The following CRHR1 variants were observed in gnomAD, a reference collection of about 807,000 sequenced individuals.
The protein encoded by CRHR1 is corticotropin-releasing hormone receptor 1.
CRHR1 carries 28 observed loss-of-function variants against 56.0 expected under a neutral mutation model. The observed-to-expected ratio is 0.50, with a 90% confidence interval of 0.37 to 0.69. The LOEUF (loss-of-function observed/expected upper bound fraction) is 0.69. Ranked by LOEUF, CRHR1 falls within the 30% of genes least tolerant of loss-of-function variation. The probability of loss-of-function intolerance (pLI) is 0.00; values close to 1 mark genes in which losing one functional copy is unlikely to be tolerated. For synonymous variants in CRHR1, 195 were observed against 216.5 expected, an observed-to-expected ratio of 0.90 and a Z score of 0.87; for missense variants, 376 against 548.0, an observed-to-expected ratio of 0.69 and a Z score of 3.13.
intron 1 of CRHR1, among the ~76,000 whole-genome samples, chr17:45,797,961 C>T (rs1425996075): frequency 1.3e-5 from 2 of 152,078 alleles, no homozygotes; most frequent in Non-Finnish European, 2.9e-5. Context: ...GTGCTTTTTC[C>T]TCTAGCACAT....
chr17:45,833,693 T>TGGGGGGGGCCCCCCCCCCCCCCC, intron 10 of CRHR1, 21 bp from the exon 11 acceptor site: 1 of 1,571,604 alleles, frequency 6.4e-7, no homozygotes, highest in Non-Finnish European at 8.7e-7. Flanking sequence ...ACTCCGAGCC[T>TGGGGGGGGCCCCCCCCCCCCCCC]CCCCACCCGC....
At chr17:45,806,055 G>T (rs2146305055) in intron 1 of CRHR1, among the ~76,000 whole-genome samples, 1 of 152,280 alleles carries the variant, frequency 6.6e-6, no homozygotes, top group Middle Eastern at 3.4e-3. Flanking sequence ...ATTTTTACAG[G>T]TGAGGACACT....
chr17:45,798,740 CA>C (rs1339858265), intron 1 of CRHR1, among the ~76,000 whole-genome samples: 1 of 23,372 alleles, frequency 4.3e-5, no homozygotes, highest in African/African-American at 2.5e-4. Flanking sequence ...CGTGAAGTAG[CA>C]GGGAGGGCGG....
chr17:45,830,079 G>A lies in CRHR1; in HGVS notation c.435-15G>A, dbSNP rs367988698. Reference sequence around the variant, plus strand: ...CTCCTATCGCTCCCATCATCCACCCGCCCTGCTGCACCAGGAGCATCCGGT... The same window carrying A: ...CTCCTATCGCTCCCATCATCCACCCACCCTGCTGCACCAGGAGCATCCGGT... On this transcript the variant is annotated splice_polypyrimidine_tract_variant and intron_variant, in intron 5 of 12. Coordinates refer to ENST00000314537, the MANE Select transcript of CRHR1 (RefSeq NM_004382.5). 615 of 1,613,814 alleles carry A rather than the reference G, an allele frequency of 3.8e-4. 1 individual carries two copies. Among genetic ancestry groups the A allele is most frequent in the Non-Finnish European group, 5.0e-4 (594 of 1,179,942 alleles).
intron 7 of CRHR1, 97 bp from the exon 8 acceptor site, chr17:45,830,783 C>A (rs2062288134): frequency 1.5e-6 from 2 of 1,334,806 alleles, no homozygotes; most frequent in South Asian, 1.3e-5. Flanking sequence ...CCCTGAGTAA[C>A]CCCAGACCCC....
In CRHR1 at chr17:45,784,642, GC is replaced by G. The variant is rs1231636419; in HGVS notation, c.33+66del. On this transcript the variant is annotated intron_variant, in intron 1 of 12. Coordinates refer to ENST00000314537, the MANE Select transcript of CRHR1 (RefSeq NM_004382.5). This position sits in a 1 kb window ranked among gnomAD's most constrained non-coding sequence, Gnocchi z 4.2. ...CGGCCCCTGGCGGACGCGGGACGGG[GC>G]TGGGCTGTGGGTGTGATGGGGGCGG... 11 of 1,484,242 alleles carry G rather than the reference GC, an allele frequency of 7.4e-6. No homozygotes were observed. The East Asian group carries it at 2.8e-4, about 37-fold the overall frequency. The allele number at this position is 1,484,242 out of a possible 1,614,324, so 91.9% of individuals were successfully genotyped here.
intron 1 of CRHR1, among the ~76,000 whole-genome samples, chr17:45,802,639 G>A (rs1033049188): frequency 1.3e-5 from 2 of 152,196 alleles, no homozygotes; most frequent in African/African-American, 2.4e-5. Flanking sequence ...AGAGAGGAAA[G>A]GTTGGTTTGG....
At chr17:45,833,693 T>TGGGGGGCCCCCCCCCCCCCC in intron 10 of CRHR1, 21 bp from the exon 11 acceptor site, 1 of 1,571,600 alleles carries the variant, frequency 6.4e-7, no homozygotes, top group Non-Finnish European at 8.7e-7. Flanking sequence ...ACTCCGAGCC[T>TGGGGGGCCCCCCCCCCCCCC]CCCCACCCGC....
rs4640231 is a variant in CRHR1, at chr17:45,835,420, G to C, written c.*656G>C. The stretch of plus-strand genomic sequence containing the variant: ...TTGCTGCCTTCACCCTGAACATTTA[G>C]TACCCTGCAGGCCAGGCCAGCTTCC... On this transcript the variant is annotated 3_prime_UTR_variant, in exon 13 of 13. Coordinates refer to ENST00000314537, the MANE Select transcript of CRHR1 (RefSeq NM_004382.5). 22,045 of 153,568 alleles carry C rather than the reference G, an allele frequency of 0.14. 2,166 individuals carry two copies. The highest frequency in any genetic ancestry group is 0.22 in the Middle Eastern group (65 of 298). 9.5% of individuals were successfully genotyped at this position (153,568 alleles called of 1,614,324 possible).
intron 4 of CRHR1, 55 bp downstream of exon 4, chr17:45,821,495 C>A: frequency 6.5e-7 from 1 of 1,530,566 alleles, no homozygotes; most frequent in East Asian, 2.2e-5. Flanking sequence ...GGGTCCCCAG[C>A]AGAGTTTTGT....
intron 2 of CRHR1, among the ~76,000 whole-genome samples, chr17:45,815,205 T>G (rs921750865): frequency 2.0e-5 from 3 of 152,226 alleles, no homozygotes; most frequent in Admixed American, 2.0e-4. Context: ...TCCACTCTTG[T>G]GCCAATTCTA....
At chr17:45,791,337 C>G (rs941988426) in intron 1 of CRHR1, among the ~76,000 whole-genome samples, 2 of 152,148 alleles carry the variant, frequency 1.3e-5, no homozygotes, top group African/African-American at 4.8e-5. Context: ...CAGGTCCAGG[C>G]CCCCTGCACT....
At chr17:45,809,854 T>C (rs2061788257) in intron 2 of CRHR1, among the ~76,000 whole-genome samples, 2 of 152,260 alleles carry the variant, frequency 1.3e-5, no homozygotes, top group Admixed American at 1.3e-4. Context: ...CATAAAATCA[T>C]GGCATGAGTA....
chr17:45,834,007 G>A lies in CRHR1; in HGVS notation c.1066G>A (p.Gly356Ser), dbSNP rs1436855094. The change falls in exon 12 of 13, where the codon GGC (glycine) becomes AGC (serine). Residue 356 changes from glycine to serine, a missense_variant and splice_region_variant. This residue lies in a region of CRHR1 where 369 missense variants were observed against 519.5 expected (regional missense o/e 0.71). Coordinates refer to ENST00000314537, the MANE Select transcript of CRHR1 (RefSeq NM_004382.5). ...TTGACGCCTCCTCTCTCCTCCCCAG[G>A]GCTTCTTTGTGTCTGTGTTCTACTG... is the stretch of plus-strand genomic sequence containing the variant. ...YFNSFLESFQ[G>S]FFVSVFYCFL... is the part of the protein sequence containing the mutation. The A allele has an allele frequency of 6.2e-7, 1 of 1,613,380 alleles. No homozygotes were observed.
At chr17:45,823,770 C>T (rs2062097357) in intron 4 of CRHR1, among the ~76,000 whole-genome samples, 1 of 152,230 alleles carries the variant, frequency 6.6e-6, no homozygotes, top group African/African-American at 2.4e-5. Flanking sequence ...TGGTTAGCCC[C>T]ACCCCTGGCT....
rs868162436 is a variant in CRHR1 at position 45,830,486 on chromosome 17, G to A, written c.625G>A (p.Glu209Lys). 3.1e-6 allele frequency: 5 copies of A among 1,613,610 alleles called. No homozygotes were observed. The highest frequency in any genetic ancestry group is 2.5e-6 in the Non-Finnish European group (3 of 1,179,986). The part of the protein sequence containing the change: ...HVTNFFWMFG[E>K]GCYLHTAIVL... ...GACCAACTTCTTCTGGATGTTCGGCGAGGGCTGCTACCTGCACACAGCCAT... is the reference window on the plus strand; with the variant it reads ...GACCAACTTCTTCTGGATGTTCGGCAAGGGCTGCTACCTGCACACAGCCAT... The change falls in exon 7 of 13, where the codon GAG becomes AAG. Residue 209 changes from glutamate (E) to lysine (K), a missense_variant. Transcript: ENST00000314537.
intron 2 of CRHR1, among the ~76,000 whole-genome samples, chr17:45,809,077 GA>G (rs1479232301): frequency 6.6e-6 from 1 of 152,196 alleles, no homozygotes; most frequent in East Asian, 1.9e-4. Context: ...TTTTCAAGGT[GA>G]ATATTAAGAG....
chr17:45,832,101 G>A (rs936847524), intron 8 of CRHR1, among the ~76,000 whole-genome samples: 5 of 151,998 alleles, frequency 3.3e-5, no homozygotes, highest in African/African-American at 1.2e-4. Flanking sequence ...GTGTGGTGGT[G>A]CGCACCTGTA....
chr17:45,824,849 C>T (rs904325303), intron 4 of CRHR1, among the ~76,000 whole-genome samples: 4 of 152,086 alleles, frequency 2.6e-5, no homozygotes, highest in Non-Finnish European at 5.9e-5. Flanking sequence ...CATTCACCTG[C>T]CGCCCCCTGT....
Sources: gnomAD v4.1 joint callset for allele counts (sites outside exome capture counted in the v4.1 genomes callset) on GRCh38, gnomAD v4.1.1 for gene constraint, gnomAD v4.1.1 regional missense constraint, Gnocchi (gnomAD v3.1) non-coding constraint, MANE v1.5 for transcripts, NCBI Gene and HGNC (gene_info 2026-07-23, HGNC 2026-07-21) for gene names.